USP49: variants seen among roughly 807,000 people sequenced by gnomAD.
USP49 encodes the protein ubiquitin specific peptidase 49, also known as ubiquitin carboxyl-terminal hydrolase 49.
Under a neutral mutation model 58.6 loss-of-function variants are expected in USP49, and 24 were observed. That is an observed-to-expected ratio of 0.41 (90% CI 0.30 to 0.58). The LOEUF is 0.58. USP49 is among the 20% of genes least tolerant of loss of function. The pLI is 0.30. For missense variants in USP49, 703 were observed against 866.1 expected (o/e 0.81, Z 2.36); for synonymous variants, 408 against 365.1 (o/e 1.12, Z -1.34).
intron 3 of USP49, among the ~76,000 whole-genome samples, chr6:41,826,741 C>G (rs747110187): frequency 1.3e-5 from 2 of 152,124 alleles, no homozygotes; most frequent in Non-Finnish European, 2.9e-5. Context: ...GCCCCCCAAA[C>G]CCAATCAAAG....
At chr6:41,840,678 T>A (rs1773809815) in intron 3 of USP49, among the ~76,000 whole-genome samples, 1 of 152,198 alleles carries the variant, frequency 6.6e-6, no homozygotes, top group Admixed American at 6.5e-5. Flanking sequence ...ACTATTGCTA[T>A]TTTTGTTCTT....
intron 3 of USP49, among the ~76,000 whole-genome samples, chr6:41,829,471 G>A (rs1773598890): frequency 6.6e-6 from 1 of 152,122 alleles, no homozygotes; most frequent in Admixed American, 6.6e-5. Flanking sequence ...GCAACACAAT[G>A]CCCGGCTAAT....
intron 2 of USP49, among the ~76,000 whole-genome samples, chr6:41,877,281 C>G (rs923979860): frequency 6.6e-6 from 1 of 152,196 alleles, no homozygotes; most frequent in East Asian, 1.9e-4. Flanking sequence ...CACATTTTGA[C>G]TACGATTCAG....
At chr6:41,834,389 A>G (rs1020524048) in intron 3 of USP49, among the ~76,000 whole-genome samples, 1 of 152,196 alleles carries the variant, frequency 6.6e-6, no homozygotes, top group African/African-American at 2.4e-5. Flanking sequence ...CTCTAGTCCT[A>G]AAATGCCCAG....
At chr6:41,825,412 G>A (rs1039252698) in intron 3 of USP49, among the ~76,000 whole-genome samples, 2 of 151,060 alleles carry the variant, frequency 1.3e-5, no homozygotes, top group Admixed American at 6.7e-5. Context: ...AGGTTGTAAT[G>A]GACACCAACA....
intron 2 of USP49, among the ~76,000 whole-genome samples, chr6:41,875,077 C>T (rs1463943092): frequency 1.3e-5 from 2 of 152,012 alleles, no homozygotes; most frequent in African/African-American, 4.8e-5. Context: ...TTTGATAGCT[C>T]CCTAATATTA....
Position 41,875,611 on chromosome 6 carries a change from A to G in USP49, c.-102-3974T>C, listed in dbSNP as rs142717991. On this transcript the variant is annotated intron_variant, in intron 2 of 7. Coordinates refer to ENST00000682992, the MANE Select transcript of USP49 (RefSeq NM_001286554.2). ...TCCCTTTACATTCTAAGGCACTAGCACACTATCCTTATTTTCCACTACCCA... is the reference window on the plus strand; with the variant it reads ...TCCCTTTACATTCTAAGGCACTAGCGCACTATCCTTATTTTCCACTACCCA... 6.6e-5 allele frequency among the ~76,000 whole-genome samples: 10 copies of G among 152,344 alleles called. No homozygotes were observed. The East Asian group carries it at 1.9e-3, about 29-fold the overall frequency.
At position 41,806,113 on chromosome 6, in the gene USP49, G is replaced by GGGACCC; in HGVS notation, c.870_871insGGGTCC (p.Glu290_His291insGlySer). 1 of 1,613,978 alleles carries GGGACCC rather than the reference G, an allele frequency of 6.2e-7. No individual in the cohort carries two copies. The highest frequency in any genetic ancestry group is 8.5e-7 in the Non-Finnish European group (1 of 1,180,042). On this transcript the variant is annotated inframe_insertion, in exon 4 of 8. Coordinates refer to ENST00000682992, the MANE Select transcript of USP49 (RefSeq NM_001286554.2). The surrounding 1 kb of genome is among the most constrained non-coding windows in gnomAD (Gnocchi z 5.9). ...CCGTTGGTGGCTTTGGGAAACAGAT[G>GGGACCC]TTCCGTTTTGGAAGGGTCAAGGTTG...
chr6:41,894,645 T>C (rs1193985224), intron 1 of USP49, among the ~76,000 whole-genome samples: 1 of 151,828 alleles, frequency 6.6e-6, no homozygotes, highest in Non-Finnish European at 1.5e-5. Flanking sequence ...CTCCTTGTCT[T>C]CCACTTCCAA....
intron 3 of USP49, among the ~76,000 whole-genome samples, chr6:41,827,096 A>T (rs1414199228): frequency 6.6e-6 from 1 of 152,078 alleles, no homozygotes; most frequent in East Asian, 1.9e-4. Flanking sequence ...TAACAACCAA[A>T]CTCAAATACT....
chr6:41,879,906 C>A (rs1774573457), intron 2 of USP49, among the ~76,000 whole-genome samples: 1 of 152,184 alleles, frequency 6.6e-6, no homozygotes, highest in Admixed American at 6.5e-5. Context: ...GAAGCTGACA[C>A]TTGGGCAAAT....
intron 3 of USP49, among the ~76,000 whole-genome samples, chr6:41,870,701 T>G (rs1447902252): frequency 6.7e-6 from 1 of 149,246 alleles, no homozygotes; most frequent in Non-Finnish European, 1.5e-5. Context: ...TTTTTTTTTT[T>G]TTTTGGTAGA....
chr6:41,848,886 T>C (rs1773971271), intron 3 of USP49, among the ~76,000 whole-genome samples: 1 of 148,590 alleles, frequency 6.7e-6, no homozygotes, highest in Non-Finnish European at 1.5e-5. Context: ...GAGAGAGAAA[T>C]GGGTTCTTCC....
In USP49 at chr6:41,793,380, C is replaced by T. The variant is rs1159481158; in HGVS notation, c.*3153G>A. On this transcript the variant is annotated 3_prime_UTR_variant, in exon 8 of 8. Transcript: ENST00000682992. Reference sequence around the variant, plus strand: ...GGTTCCAGCGATTCTCCTGCCTCAGCCTCCCAAGTAGCTGGGACTACAGGC... The same window carrying T: ...GGTTCCAGCGATTCTCCTGCCTCAGTCTCCCAAGTAGCTGGGACTACAGGC... 6.6e-6 allele frequency: 1 copy of T among 152,590 alleles called. No individual in the cohort carries two copies. The highest frequency in any genetic ancestry group is 2.4e-5 in the African/African-American group (1 of 41,388). 9.5% of individuals were successfully genotyped at this position (152,590 alleles called of 1,614,324 possible). A position where few individuals can be genotyped will look rare whatever the true frequency, so the allele number is the denominator to read the frequency against.
chr6:41,879,642 T>A (rs1352816184), intron 2 of USP49, among the ~76,000 whole-genome samples: 1 of 152,142 alleles, frequency 6.6e-6, no homozygotes, highest in Non-Finnish European at 1.5e-5. Flanking sequence ...CTAGAGAGAC[T>A]CTGGACTAGG....
intron 3 of USP49, among the ~76,000 whole-genome samples, chr6:41,851,303 A>T (rs1233829289): frequency 6.6e-6 from 1 of 152,222 alleles, no homozygotes; most frequent in African/African-American, 2.4e-5. Flanking sequence ...AGTAGGACTC[A>T]TTTCTGGAAT....
At chr6:41,814,733 C>T (rs1773319454) in intron 3 of USP49, among the ~76,000 whole-genome samples, 1 of 152,150 alleles carries the variant, frequency 6.6e-6, no homozygotes. Context: ...TAACTAAGGA[C>T]CGTAGAATAA....
intron 3 of USP49, among the ~76,000 whole-genome samples, chr6:41,830,212 T>A (rs1196132592): frequency 6.6e-6 from 1 of 152,220 alleles, no homozygotes; most frequent in Non-Finnish European, 1.5e-5. Context: ...TCCCACTTTA[T>A]CTCTTCTCTA....
chr6:41,813,481 A>C (rs561471964), intron 3 of USP49, among the ~76,000 whole-genome samples: 4 of 152,330 alleles, frequency 2.6e-5, no homozygotes, highest in Non-Finnish European at 5.9e-5. Context: ...TGGAACAACC[A>C]AAAGCCAAAA....
Sources: gnomAD v4.1 joint callset for allele counts (sites outside exome capture counted in the v4.1 genomes callset) on GRCh38, gnomAD v4.1.1 for gene constraint, Gnocchi (gnomAD v3.1) non-coding constraint, MANE v1.5 for transcripts, NCBI Gene and HGNC (gene_info 2026-07-23, HGNC 2026-07-21) for gene names.